Variants in USP42 observed in about 807,000 individuals in gnomAD.
USP42 encodes the protein ubiquitin specific peptidase 42, also known as ubiquitin carboxyl-terminal hydrolase 42.
Under a neutral mutation model 113.0 loss-of-function variants are expected in USP42, and 23 were observed. The observed-to-expected ratio is 0.20, with a 90% CI of 0.15 to 0.29. USP42 has a LOEUF of 0.29. Ranked by LOEUF, USP42 falls within the 10% of genes least tolerant of loss-of-function variation. The pLI is 1.00. For missense variants in USP42, 2,174 were observed against 1,779.8 expected (o/e 1.22, Z -3.99); for synonymous variants, 933 against 699.0 (o/e 1.33, Z -5.28).
intron 3 of USP42, among the ~76,000 whole-genome samples, chr7:6,121,666 CTTTG>C (rs1205173290): frequency 3.3e-5 from 5 of 152,094 alleles, no homozygotes; most frequent in Admixed American, 6.6e-5. Flanking sequence ...TTCTTCTTTT[CTTTG>C]TTTTGTTTTT....
chr7:6,115,278 G>A (rs1779854967), intron 2 of USP42, 45 bp from the exon 3 acceptor site: 3 of 1,586,048 alleles, frequency 1.9e-6, no homozygotes, highest in Non-Finnish European at 2.6e-6. Flanking sequence ...TTTAGCTTCA[G>A]TATGCAAAGC....
At chr7:6,083,801 TC>T in the USP42 span, among the ~76,000 whole-genome samples, 1 of 150,780 alleles carries the variant, frequency 6.6e-6, no homozygotes, top group Non-Finnish European at 1.5e-5. Context: ...CCTCTTTTTT[TC>T]CCCTTCCTTA....
intron 14 of USP42, among the ~76,000 whole-genome samples, chr7:6,153,273 T>C (rs1782176657): frequency 7.1e-6 from 1 of 140,198 alleles, no homozygotes; most frequent in African/African-American, 2.6e-5. Flanking sequence ...ACTCTGTCCT[T>C]CAAAAAAACA....
At chr7:6,156,528 C>T (rs540655553) in intron 15 of USP42, among the ~76,000 whole-genome samples, 7 of 152,290 alleles carry the variant, frequency 4.6e-5, no homozygotes, top group African/African-American at 1.4e-4. Context: ...TAGCTCACTG[C>T]AGCCTCAATC....
the USP42 span, among the ~76,000 whole-genome samples, chr7:6,082,025 C>G: frequency 1.3e-5 from 2 of 151,618 alleles, no homozygotes; most frequent in Non-Finnish European, 2.9e-5. Flanking sequence ...GGGGACTTGT[C>G]TGTATTACAT....
rs1183731143 is a variant in USP42, at chr7:6,158,228, G to A, written c.3943+1173G>A. Among the ~76,000 whole-genome samples, 1 of 152,254 alleles carries A rather than the reference G, an allele frequency of 6.6e-6. No homozygotes were observed. The highest frequency in any genetic ancestry group is 2.4e-5 in the African/African-American group (1 of 41,470). ...CGTTCCCACGCTGTCTGGCGGCTTC[G>A]CTGTCACTGCCTGGCAGAGGTGAGT... On this transcript the variant is annotated intron_variant, in intron 16 of 17. Transcript: ENST00000306177. The surrounding 1 kb of genome is among the most constrained non-coding windows in gnomAD (Gnocchi z 4.2).
intron 4 of USP42, among the ~76,000 whole-genome samples, chr7:6,137,701 A>G (rs1187146553): frequency 1.3e-5 from 2 of 151,886 alleles, no homozygotes; most frequent in Non-Finnish European, 2.9e-5. Flanking sequence ...TATTTTTGAG[A>G]TGGAGTCTCA....
chr7:6,107,170 ATGACT>A (rs1330674536), intron 1 of USP42, among the ~76,000 whole-genome samples: 1 of 152,142 alleles, frequency 6.6e-6, no homozygotes, highest in Non-Finnish European at 1.5e-5. Flanking sequence ...ATGGTTAATG[ATGACT>A]TGAATTGTGC....
intron 15 of USP42, 25 bp from the exon 16 acceptor site, chr7:6,156,729 T>G: frequency 6.6e-7 from 1 of 1,517,874 alleles, no homozygotes; most frequent in Non-Finnish European, 8.8e-7. Context: ...TTTAGGGTTT[T>G]GAATTCTGGC....
chr7:6,155,868 C>G (rs1249085621), intron 15 of USP42, among the ~76,000 whole-genome samples: 1 of 152,168 alleles, frequency 6.6e-6, no homozygotes, highest in Non-Finnish European at 1.5e-5. Flanking sequence ...ATTTCTGCTT[C>G]AGCCCTCAGC....
the USP42 span, among the ~76,000 whole-genome samples, chr7:6,089,131 A>G: frequency 1.3e-5 from 2 of 148,918 alleles, no homozygotes; most frequent in East Asian, 2.0e-4. Flanking sequence ...TGCAACCGCC[A>G]CCTCCCAGGT....
At chr7:6,138,343 C>T (rs1436226764) in intron 4 of USP42, among the ~76,000 whole-genome samples, 2 of 152,118 alleles carry the variant, frequency 1.3e-5, no homozygotes, top group Non-Finnish European at 2.9e-5. Context: ...AATATAATTT[C>T]TTCTGTAGGT....
At chr7:6,088,873 CG>C in the USP42 span, 7 of 150,674 alleles carry the variant, frequency 4.6e-5, no homozygotes, top group South Asian at 8.3e-4. Flanking sequence ...CAGGAGGGGA[CG>C]GCGGGAACCA....
the USP42 span, among the ~76,000 whole-genome samples, chr7:6,096,932 C>T: frequency 1.4e-5 from 2 of 142,020 alleles, no homozygotes; most frequent in African/African-American, 5.4e-5. Flanking sequence ...TCTTTCTTTT[C>T]TTTTTTTTTT....
intron 3 of USP42, among the ~76,000 whole-genome samples, chr7:6,116,183 TATCATGTTGGAAGGCTCA>T (rs1324385818): frequency 6.6e-6 from 1 of 151,904 alleles, no homozygotes; most frequent in Admixed American, 6.6e-5. Context: ...CTGGCATTTA[TATCATGTTGGAAGGCTCA>T]ATCATTTACA....
intron 3 of USP42, among the ~76,000 whole-genome samples, chr7:6,120,109 T>C (rs1279719666): frequency 1.3e-5 from 2 of 152,150 alleles, no homozygotes; most frequent in East Asian, 3.9e-4. Flanking sequence ...GGACTACAGG[T>C]GCCTGCCACC....
rs1238191319 is a variant in USP42 at position 6,153,902 on chromosome 7, C to T, written c.2348C>T (p.Thr783Ile). ...KKAPPPRDPGTPATKEGAWEA... is the reference protein window; with the variant it reads ...KKAPPPRDPGIPATKEGAWEA... The stretch of plus-strand genomic sequence containing the variant: ...GCTCCGCCGCCCCGCGATCCCGGCA[C>T]CCCCGCTACCAAAGAAGGCGCCTGG... Residue 783 changes from threonine to isoleucine, a missense_variant, in exon 15 of 18, where the codon ACC (threonine) becomes ATC (isoleucine). Transcript: ENST00000306177. 1.3e-6 allele frequency: 2 copies of T among 1,591,452 alleles called. No homozygotes were observed. The highest frequency in any genetic ancestry group is 1.7e-6 in the Non-Finnish European group (2 of 1,171,188).
At chr7:6,086,275 A>G in the USP42 span, among the ~76,000 whole-genome samples, 33,737 of 139,700 alleles carry the variant, frequency 0.24, 4,325 homozygotes, top group Middle Eastern at 0.27. Context: ...GCGCGATCTC[A>G]GTTCACTGCA....
At chr7:6,140,844 T>A in intron 6 of USP42, 70 bp from the exon 7 acceptor site, 1 of 863,722 alleles carries the variant, frequency 1.2e-6, no homozygotes, top group South Asian at 1.6e-5. Flanking sequence ...TTGTATTTTG[T>A]CATTTCAGTA....
Sources: gnomAD v4.1 joint callset for allele counts (sites outside exome capture counted in the v4.1 genomes callset) on GRCh38, gnomAD v4.1.1 for gene constraint, Gnocchi (gnomAD v3.1) non-coding constraint, MANE v1.5 for transcripts, NCBI Gene and HGNC (gene_info 2026-07-23, HGNC 2026-07-21) for gene names.